Variants in FAT3 observed in about 807,000 individuals in gnomAD.
The protein encoded by FAT3 is protocadherin Fat 3.
In FAT3, 95 loss-of-function variants were observed where a neutral mutation model predicts 310.2. The observed-to-expected ratio is 0.31, with a 90% CI of 0.26 to 0.36. The LOEUF (loss-of-function observed/expected upper bound fraction) is 0.36, where lower values mean the gene tolerates loss of function less well. Among genes scored for constraint, FAT3 ranks in the 10% least tolerant of loss-of-function variants. The pLI is 1.00. For missense variants in FAT3, 5,408 were observed against 5,715.6 expected, an observed-to-expected ratio of 0.95 and a Z score of 1.74; for synonymous variants, 2,314 against 2,192.9, an observed-to-expected ratio of 1.06 and a Z score of -1.54.
rs553837148 is a variant in FAT3 at position 92,882,889 on chromosome 11, G to C, written c.12433G>C (p.Ala4145Pro). Residue 4145 changes from alanine (A) to proline (P), a missense_variant, in exon 24 of 28, where the codon GCT (alanine) becomes CCT (proline). Coordinates refer to ENST00000525166, the MANE Select transcript of FAT3 (RefSeq NM_001367949.2). ...CCCCGTGGTGGTACCCAATATCCAG[G>C]CTGGCCACTCCTACGTGGGGAAGGA... is the stretch of plus-strand genomic sequence containing the variant. Reference protein sequence around the residue: ...LRPVVVPNIQAGHSYVGKEEL... With the variant: ...LRPVVVPNIQPGHSYVGKEEL... The C allele has an allele frequency of 1.9e-6, 3 of 1,612,646 alleles. No individual in the cohort carries two copies. Among genetic ancestry groups the C allele is most frequent in the Non-Finnish European group, 1.7e-6 (2 of 1,179,506 alleles).
intron 4 of FAT3, among the ~76,000 whole-genome samples, chr11:92,708,500 A>C (rs1043660160): frequency 2.6e-5 from 4 of 152,232 alleles, no homozygotes; most frequent in African/African-American, 9.6e-5. Flanking sequence ...TAATACCTTT[A>C]TAAGATTTGG....
chr11:92,285,551 T>C (rs934920363), intron 1 of FAT3, among the ~76,000 whole-genome samples: 4 of 152,112 alleles, frequency 2.6e-5, no homozygotes, highest in African/African-American at 9.7e-5. Flanking sequence ...TGTAGCTCAT[T>C]TGAGGGGCAA....
intron 3 of FAT3, among the ~76,000 whole-genome samples, chr11:92,591,451 T>C (rs1432598187): frequency 1.3e-5 from 2 of 152,344 alleles, no homozygotes; most frequent in African/African-American, 4.8e-5. Context: ...TGTATTTATA[T>C]ATTTCTGTTA....
chr11:92,419,177 A>G (rs1444053731), intron 2 of FAT3, among the ~76,000 whole-genome samples: 1 of 152,156 alleles, frequency 6.6e-6, no homozygotes, highest in African/African-American at 2.4e-5. Flanking sequence ...CAGAGCTACT[A>G]TGTGACCTCT....
At chr11:92,390,501 C>CCATG (rs1949725149) in intron 2 of FAT3, among the ~76,000 whole-genome samples, 1 of 152,140 alleles carries the variant, frequency 6.6e-6, no homozygotes, top group Non-Finnish European at 1.5e-5. Flanking sequence ...CCATCACTTA[C>CCATG]CATGCCTTCC....
chr11:92,789,835 G>A, intron 7 of FAT3, 108 bp from the exon 8 acceptor site: 1 of 1,130,686 alleles, frequency 8.8e-7, no homozygotes, highest in Non-Finnish European at 1.3e-6. Flanking sequence ...GCTACTAGAA[G>A]CTAGGATCCA....
chr11:92,409,984 A>G (rs76465741), intron 2 of FAT3, among the ~76,000 whole-genome samples: 4,929 of 152,228 alleles, frequency 0.032, 299 homozygotes, highest in African/African-American at 0.11. Flanking sequence ...AAGAAGAAGT[A>G]AATAAGAAGT....
At chr11:92,257,547 A>C (rs922221953) in intron 1 of FAT3, among the ~76,000 whole-genome samples, 1 of 152,066 alleles carries the variant, frequency 6.6e-6, no homozygotes, top group Non-Finnish European at 1.5e-5. Context: ...TATCGACAAA[A>C]TGTGAAGCGT....
chr11:92,675,332 T>C (rs1471105494), intron 3 of FAT3, among the ~76,000 whole-genome samples: 3 of 152,212 alleles, frequency 2.0e-5, no homozygotes, highest in African/African-American at 7.2e-5. Flanking sequence ...TATATAGTGG[T>C]GAACTTCACA....
At chr11:92,638,011 T>A (rs1941829462) in intron 3 of FAT3, among the ~76,000 whole-genome samples, 1 of 152,166 alleles carries the variant, frequency 6.6e-6, no homozygotes, top group Admixed American at 6.5e-5. Flanking sequence ...GTTTGGGAGG[T>A]CCATGTACTT....
At chr11:92,446,147 A>C (rs900219678) in intron 2 of FAT3, among the ~76,000 whole-genome samples, 1 of 152,196 alleles carries the variant, frequency 6.6e-6, no homozygotes, top group Non-Finnish European at 1.5e-5. Context: ...CATGTTGGAA[A>C]AAAGAAACGC....
intron 1 of FAT3, among the ~76,000 whole-genome samples, chr11:92,320,899 T>C (rs761930260): frequency 2.6e-5 from 4 of 151,906 alleles, no homozygotes; most frequent in Non-Finnish European, 5.9e-5. Context: ...TACTTATTTA[T>C]AATGTCCTTA....
At chr11:92,344,852 C>T (rs1948367040) in intron 1 of FAT3, among the ~76,000 whole-genome samples, 1 of 152,096 alleles carries the variant, frequency 6.6e-6, no homozygotes, top group Non-Finnish European at 1.5e-5. Flanking sequence ...AAACGTACCC[C>T]CCTCAGATAA....
At chr11:92,284,908 G>C (rs2134375702) in intron 1 of FAT3, among the ~76,000 whole-genome samples, 1 of 152,246 alleles carries the variant, frequency 6.6e-6, no homozygotes. Context: ...TATAGCCAAA[G>C]ATACTATTAC....
chr11:92,329,622 T>C (rs1174026891), intron 1 of FAT3, among the ~76,000 whole-genome samples: 1 of 111,654 alleles, frequency 9.0e-6, no homozygotes, highest in Non-Finnish European at 1.8e-5. Context: ...AATTTTTTTT[T>C]TCTCTTTGTG....
intron 20 of FAT3, among the ~76,000 whole-genome samples, chr11:92,858,858 T>A (rs1316207084): frequency 6.6e-6 from 1 of 152,094 alleles, no homozygotes; most frequent in East Asian, 1.9e-4. Flanking sequence ...TTTTAGAAAG[T>A]GGGAGTTGGA....
At chr11:92,443,473 GTAAGTGATT>G (rs1951127461) in intron 2 of FAT3, among the ~76,000 whole-genome samples, 1 of 152,204 alleles carries the variant, frequency 6.6e-6, no homozygotes, top group African/African-American at 2.4e-5. Flanking sequence ...ACTCTTGCCA[GTAAGTGATT>G]TAAGCCCTTG....
At chr11:92,587,230 A>G (rs1354592932) in intron 3 of FAT3, among the ~76,000 whole-genome samples, 4 of 152,016 alleles carry the variant, frequency 2.6e-5, no homozygotes, top group South Asian at 4.1e-4. Flanking sequence ...ACCTCGATCT[A>G]TAGAAAGAGA....
At chr11:92,644,614 A>ATGTGAT (rs1005775733) in intron 3 of FAT3, among the ~76,000 whole-genome samples, 3 of 152,160 alleles carry the variant, frequency 2.0e-5, no homozygotes, top group African/African-American at 7.2e-5. Flanking sequence ...TCACGGACAC[A>ATGTGAT]TGTGATTACG....
Sources: allele counts gnomAD v4.1 joint callset (sites outside exome capture counted in the v4.1 genomes callset), GRCh38; gene constraint gnomAD v4.1.1; transcripts MANE v1.5; gene names NCBI Gene and HGNC (gene_info 2026-07-23, HGNC 2026-07-21).